ADGRF1: variants seen among roughly 807,000 people sequenced by gnomAD.
The protein encoded by ADGRF1 is G protein-coupled receptor 110.
In ADGRF1, 85 loss-of-function variants were observed where a neutral mutation model predicts 87.2. The observed-to-expected ratio is 0.97, with a 90% CI of 0.82 to 1.17. The LOEUF is 1.17. Ranked by LOEUF, ADGRF1 falls within the 50% of genes most tolerant of loss-of-function variation. The pLI is 0.00. For synonymous variants in ADGRF1, 430 were observed against 408.8 expected (o/e 1.05, Z -0.63); for missense variants, 1,169 against 1,077.2 (o/e 1.09, Z -1.19).
intron 1 of ADGRF1, among the ~76,000 whole-genome samples, chr6:47,038,360 G>T (rs1780650738): frequency 6.6e-6 from 1 of 152,136 alleles, no homozygotes; most frequent in South Asian, 2.1e-4. Flanking sequence ...TCCTCCAAGT[G>T]AATAGCCAAG....
intron 1 of ADGRF1, among the ~76,000 whole-genome samples, chr6:47,033,878 G>A (rs564569326): frequency 9.2e-5 from 14 of 152,348 alleles, no homozygotes; most frequent in African/African-American, 3.1e-4. Context: ...AGAAAAGATA[G>A]CCACTTCCAT....
intron 10 of ADGRF1, 50 bp from the exon 11 acceptor site, chr6:47,010,368 G>A: frequency 6.8e-7 from 1 of 1,467,810 alleles, no homozygotes; most frequent in South Asian, 1.3e-5. Context: ...AAACAGATAA[G>A]AGGACCAGCA....
chr6:47,038,259 A>G (rs113549066), intron 1 of ADGRF1, among the ~76,000 whole-genome samples: 4 of 152,330 alleles, frequency 2.6e-5, no homozygotes, highest in African/African-American at 4.8e-5. Flanking sequence ...TAATTCTTCA[A>G]TCTTTCTTAA....
At position 47,029,136 on chromosome 6, in the gene ADGRF1, G is replaced by A. The variant is rs1486577375; in HGVS notation, c.-43-32C>T. On this transcript the variant is annotated intron_variant, in intron 1 of 14. Coordinates refer to ENST00000371253, the MANE Select transcript of ADGRF1 (RefSeq NM_153840.4). ...AAGCAGGGTACCAGGTAAGGTAGAG[G>A]CACAAAAACAAGAAATTCAAGCCAA... The A allele has an allele frequency of 4.8e-6, 6 of 1,247,972 alleles. No individual in the cohort carries two copies. In the Admixed American group the frequency reaches 5.3e-5, roughly 11 times the overall value. The allele number at this position is 1,247,972 out of a possible 1,614,324, so 77.3% of individuals were successfully genotyped here.
At chr6:47,010,461 A>G in intron 10 of ADGRF1, 143 bp from the exon 11 acceptor site, 1 of 742,086 alleles carries the variant, frequency 1.3e-6, no homozygotes, top group African/African-American at 1.8e-5. Flanking sequence ...TCATCAATCA[A>G]ATTTAGCTCA....
Position 47,009,614 on chromosome 6 carries a change from C to A in ADGRF1, c.1821G>T (p.Glu607Asp). ...IGSLILCLII[E>D]ALFWKQIKKS... ...TTTTAATCTGCTTCCAAAACAAAGCCTCGATGATCAGGCATAAAATGAGAC... is the reference window on the plus strand; with the variant it reads ...TTTTAATCTGCTTCCAAAACAAAGCATCGATGATCAGGCATAAAATGAGAC... Residue 607 changes from glutamate (E) to aspartate (D), a missense_variant, in exon 11 of 15, where the codon GAG (glutamate) becomes GAT (aspartate). By Grantham distance (45) the Glu-to-Asp change is conservative. Transcript: ENST00000371253. 1 of 1,614,064 alleles carries A rather than the reference C, an allele frequency of 6.2e-7. No homozygotes were observed. The highest frequency in any genetic ancestry group is 8.5e-7 in the Non-Finnish European group (1 of 1,180,008).
chr6:47,013,700 T>C, intron 9 of ADGRF1: 2 of 970,126 alleles, frequency 2.1e-6, no homozygotes, highest in Non-Finnish European at 1.2e-6. Flanking sequence ...CCAAATCTTA[T>C]GTCGAGTTAT....
Position 47,022,001 on chromosome 6 carries a change from G to T in ADGRF1, c.509C>A (p.Ser170Tyr), listed in dbSNP as rs991456550. Residue 170 changes from serine (S) to tyrosine (Y), a missense_variant, in exon 6 of 15, where the codon TCT (serine) becomes TAT (tyrosine). Coordinates refer to ENST00000371253, the MANE Select transcript of ADGRF1 (RefSeq NM_153840.4). ...TGCATATTTGGAGTATATAGCAGAA[G>T]ATGAATTCAAAAGGTCATTTGTAAA... ...ERFTNDLLNS[S>Y]SAIYSKYANG... The T allele has an allele frequency of 3.8e-6, 6 of 1,592,868 alleles. No homozygotes were observed. The highest frequency in any genetic ancestry group is 2.7e-5 in the African/African-American group (2 of 73,840).
intron 11 of ADGRF1, 129 bp from the exon 12 acceptor site, chr6:47,007,423 T>C (rs1779564002): frequency 2.2e-5 from 12 of 556,688 alleles, no homozygotes; most frequent in Middle Eastern, 4.7e-4. Context: ...TAAGAGACTG[T>C]AGTCTCCTTG....
At chr6:47,004,241 C>T (rs1267629706) in intron 13 of ADGRF1, among the ~76,000 whole-genome samples, 1 of 152,178 alleles carries the variant, frequency 6.6e-6, no homozygotes, top group African/African-American at 2.4e-5. Flanking sequence ...ACCTTCTCAT[C>T]ATCTGTCATT....
chr6:47,037,988 G>A (rs1412798648), intron 1 of ADGRF1, among the ~76,000 whole-genome samples: 1 of 152,098 alleles, frequency 6.6e-6, no homozygotes, highest in Non-Finnish European at 1.5e-5. Flanking sequence ...AGCCTCCCGA[G>A]TACCTGGGAC....
chr6:47,001,587 G>A lies in ADGRF1; in HGVS notation c.2593-20C>T. The A allele has an allele frequency of 6.2e-7, 1 of 1,604,428 alleles. No homozygotes were observed. Among genetic ancestry groups the A allele is most frequent in the Non-Finnish European group, 8.5e-7 (1 of 1,171,914 alleles). ...GTTTTGCTGCACAAAATAAAAATAAGTCATTTGGACATTAATAGCATTCTT... is the reference window on the plus strand; with the variant it reads ...GTTTTGCTGCACAAAATAAAAATAAATCATTTGGACATTAATAGCATTCTT... On this transcript the variant is annotated intron_variant, in intron 13 of 14. Coordinates refer to ENST00000371253, the MANE Select transcript of ADGRF1 (RefSeq NM_153840.4).
intron 1 of ADGRF1, among the ~76,000 whole-genome samples, chr6:47,037,368 G>T (rs547023891): frequency 6.6e-6 from 1 of 151,798 alleles, no homozygotes; most frequent in East Asian, 1.9e-4. Flanking sequence ...TGTCTTTGTC[G>T]CTCCTGTTAT....
Position 47,000,134 on chromosome 6 carries a change from G to A in ADGRF1, c.*88C>T, listed in dbSNP as rs1041665953. 1.5e-5 allele frequency: 15 copies of A among 995,478 alleles called. 1 individual carries two copies. Among genetic ancestry groups the A allele is most frequent in the Middle Eastern group, 2.6e-4 (1 of 3,782 alleles). The allele number at this position is 995,478 out of a possible 1,614,324, so 61.7% of individuals were successfully genotyped here. On this transcript the variant is annotated 3_prime_UTR_variant, in exon 15 of 15. Transcript: ENST00000371253. ...GACCCCTAAATCAGAAAACCCGATC[G>A]AATACTGAGCATAATTTCTTCATTG...
intron 2 of ADGRF1, among the ~76,000 whole-genome samples, chr6:47,028,281 G>A (rs1251987411): frequency 1.3e-5 from 2 of 151,184 alleles, no homozygotes; most frequent in Non-Finnish European, 3.0e-5. Flanking sequence ...TAGCAGCCAC[G>A]GAAGTAGTGA....
At chr6:47,026,208 G>A (rs557583292) in intron 3 of ADGRF1, among the ~76,000 whole-genome samples, 17 of 152,138 alleles carry the variant, frequency 1.1e-4, no homozygotes, top group Middle Eastern at 3.4e-3. Context: ...CCAAATATAC[G>A]TCTGTCCTCT....
At chr6:47,004,238 C>T (rs1489688022) in intron 13 of ADGRF1, among the ~76,000 whole-genome samples, 3 of 152,180 alleles carry the variant, frequency 2.0e-5, no homozygotes, top group Non-Finnish European at 4.4e-5. Context: ...CTCACCTTCT[C>T]ATCATCTGTC....
Position 47,018,834 on chromosome 6 carries a change from C to T in ADGRF1, c.611+1897G>A, listed in dbSNP as rs577934767. 25 of 266,690 alleles carry T rather than the reference C, an allele frequency of 9.4e-5. No homozygotes were observed. In the East Asian group the frequency reaches 2.4e-3, roughly 26 times the overall value. The allele number at this position is 266,690 out of a possible 1,614,324, so 16.5% of individuals were successfully genotyped here. On this transcript the variant is annotated intron_variant, in intron 7 of 14. Coordinates refer to ENST00000371253, the MANE Select transcript of ADGRF1 (RefSeq NM_153840.4). ...TTAGGCTGGGCTTCGTGTCTCATGC[C>T]TGTAATGCCAGTATTATGGGAGGCC...
chr6:47,020,458 TG>T (rs1401741881), intron 7 of ADGRF1: 1 of 1,283,368 alleles, frequency 7.8e-7, no homozygotes, highest in Non-Finnish European at 1.1e-6. Context: ...GAGCCTAGAT[TG>T]TGCCATTGCA....
Sources: allele counts gnomAD v4.1 joint callset (sites outside exome capture counted in the v4.1 genomes callset), GRCh38; gene constraint gnomAD v4.1.1; transcripts MANE v1.5; gene names NCBI Gene and HGNC (gene_info 2026-07-23, HGNC 2026-07-21).